GALNT16: variants seen among roughly 807,000 people sequenced by gnomAD.
The protein encoded by GALNT16 is polypeptide N-acetylgalactosaminyltransferase 16, also known as UDP-GalNAc:polypeptide N-acetylgalactosaminyltransferase-like protein 1.
In GALNT16, 40 loss-of-function variants were observed where a neutral mutation model predicts 76.1. The ratio of observed to expected loss-of-function variants is 0.53; its 90% confidence interval spans 0.41 to 0.68. The LOEUF is 0.68. Ranked by LOEUF, GALNT16 falls within the 30% of genes least tolerant of loss-of-function variation. The probability of loss-of-function intolerance (pLI) is 0.00; values close to 1 mark genes in which losing one functional copy is unlikely to be tolerated. For synonymous variants in GALNT16, 276 were observed against 285.2 expected (o/e 0.97, Z 0.32); for missense variants, 621 against 731.9 (o/e 0.85, Z 1.75).
At chr14:69,326,651 A>T (rs1445837079) in intron 5 of GALNT16, among the ~76,000 whole-genome samples, 1 of 152,150 alleles carries the variant, frequency 6.6e-6, no homozygotes, top group African/African-American at 2.4e-5. Context: ...GGAGCAAGGG[A>T]GGGCATGCCA....
At chr14:69,278,543 A>G (rs1260140480) in intron 1 of GALNT16, among the ~76,000 whole-genome samples, 1 of 152,228 alleles carries the variant, frequency 6.6e-6, no homozygotes, top group East Asian at 1.9e-4. Context: ...CTTCTGTATC[A>G]TAATCTTCTT....
chr14:69,331,502 C>T lies in GALNT16; in HGVS notation c.729C>T (p.Ile243=). 3 of 1,610,924 alleles carry T rather than the reference C, an allele frequency of 1.9e-6. No homozygotes were observed. The highest frequency in any genetic ancestry group is 2.5e-6 in the Non-Finnish European group (3 of 1,177,074). ...TGGTGAGTCCCATCATTGATGTCAT[C>T]AGTCTGGATAATTTTGCCTACCTTG... is the stretch of plus-strand genomic sequence containing the variant. ...TRVVSPIIDV[I]SLDNFAYLAA... The change falls in exon 7 of 15, where the codon ATC becomes ATT. Residue 243 remains isoleucine (I), a synonymous_variant. Coordinates refer to ENST00000448469, the MANE Select transcript of GALNT16 (RefSeq NM_001168368.2).
chr14:69,279,621 G>A (rs1233302635), intron 1 of GALNT16, among the ~76,000 whole-genome samples: 2 of 152,262 alleles, frequency 1.3e-5, no homozygotes. Context: ...CTGAGTGGGT[G>A]TGGGAAAGGC....
At chr14:69,284,825 T>C (rs1457145295) in intron 1 of GALNT16, among the ~76,000 whole-genome samples, 1 of 152,050 alleles carries the variant, frequency 6.6e-6, no homozygotes, top group Non-Finnish European at 1.5e-5. Flanking sequence ...CCCATGCTGT[T>C]CTCTTGATAG....
chr14:69,312,127 T>C (rs930551681), intron 1 of GALNT16, among the ~76,000 whole-genome samples: 2 of 151,852 alleles, frequency 1.3e-5, no homozygotes, highest in South Asian at 4.2e-4. Context: ...GTCTAATATA[T>C]ATAGTCCCAG....
At chr14:69,374,067 C>T in the GALNT16 span, among the ~76,000 whole-genome samples, 1 of 152,206 alleles carries the variant, frequency 6.6e-6, no homozygotes, top group Non-Finnish European at 1.5e-5. Flanking sequence ...AGGCGTGAGC[C>T]ACTGTGCCTG....
rs377127790 is a variant in GALNT16, at chr14:69,346,213, T to C, written c.1272-827T>C. Among the ~76,000 whole-genome samples the C allele has an allele frequency of 1.9e-4, 29 of 152,302 alleles. No homozygotes were observed. The East Asian group carries it at 4.8e-3, about 25-fold the overall frequency. ...CCAGCCATAAGTCATTTTTAATGGCTACAGGGTTTTCTATCGTATGGATGA... is the reference window on the plus strand; with the variant it reads ...CCAGCCATAAGTCATTTTTAATGGCCACAGGGTTTTCTATCGTATGGATGA... On this transcript the variant is annotated intron_variant, in intron 12 of 14. Transcript: ENST00000448469.
At chr14:69,274,054 C>T (rs1017818070) in intron 1 of GALNT16, among the ~76,000 whole-genome samples, 10 of 152,192 alleles carry the variant, frequency 6.6e-5, no homozygotes, top group African/African-American at 2.4e-4. Flanking sequence ...TATTCTAGTT[C>T]TGCCACTTAC....
intron 1 of GALNT16, among the ~76,000 whole-genome samples, chr14:69,304,794 G>C (rs2044907741): frequency 6.6e-6 from 1 of 152,136 alleles, no homozygotes; most frequent in Non-Finnish European, 1.5e-5. Context: ...GTTGCAAATG[G>C]CAGGATTTCC....
At chr14:69,345,695 A>AGTC (rs1175216293) in intron 12 of GALNT16, among the ~76,000 whole-genome samples, 2 of 60,796 alleles carry the variant, frequency 3.3e-5, no homozygotes, top group Non-Finnish European at 8.8e-5. Flanking sequence ...TATTACCCAT[A>AGTC]AGGTGTCAGT....
chr14:69,335,392 G>A (rs1375821974), intron 9 of GALNT16, among the ~76,000 whole-genome samples: 1 of 152,186 alleles, frequency 6.6e-6, no homozygotes, highest in African/African-American at 2.4e-5. Context: ...CATGTGTTTT[G>A]GGTCCAAGTG....
Position 69,333,737 on chromosome 14 carries a change from C to A in GALNT16, c.967+137C>A. 1.7e-6 allele frequency: 1 copy of A among 591,552 alleles called. No homozygotes were observed. Among genetic ancestry groups the A allele is most frequent in the Non-Finnish European group, 3.0e-6 (1 of 336,192 alleles). The allele number at this position is 591,552 out of a possible 1,614,324, so 36.6% of individuals were successfully genotyped here. A position where few individuals can be genotyped will look rare whatever the true frequency, so the allele number is the denominator to read the frequency against. ...GAGGTCATTTAATTCTCTCAAGGACCCTCTGAGGTAAGTACCATGATCTCC... is the reference window on the plus strand; with the variant it reads ...GAGGTCATTTAATTCTCTCAAGGACACTCTGAGGTAAGTACCATGATCTCC... On this transcript the variant is annotated intron_variant, in intron 9 of 14. Transcript: ENST00000448469. This position sits in a 1 kb window ranked among gnomAD's most constrained non-coding sequence, Gnocchi z 4.2.
intron 12 of GALNT16, among the ~76,000 whole-genome samples, chr14:69,344,147 G>A (rs2045531252): frequency 6.6e-6 from 1 of 152,222 alleles, no homozygotes; most frequent in Non-Finnish European, 1.5e-5. Context: ...GGAGACCGAG[G>A]AGGCTGAAAG....
intron 11 of GALNT16, 95 bp downstream of exon 11, chr14:69,339,714 G>A (rs917212613): frequency 2.1e-5 from 15 of 713,486 alleles, no homozygotes; most frequent in African/African-American, 1.3e-4. Context: ...GGAACCACCC[G>A]CCACCTCCCC....
intron 5 of GALNT16, 93 bp from the exon 6 acceptor site, chr14:69,328,357 C>T: frequency 7.6e-7 from 1 of 1,323,736 alleles, no homozygotes. Flanking sequence ...AGCCTCAGCC[C>T]CTGAAGGAGA....
rs866572674 is a variant in GALNT16 at position 69,337,437 on chromosome 14, A to G, written c.968-1214A>G. On this transcript the variant is annotated intron_variant, in intron 9 of 14. Transcript: ENST00000448469. ...ATGGCCATTGTTGATAATAATAACAATAGTTAATAATATTATAGACATTAT... is the reference window on the plus strand; with the variant it reads ...ATGGCCATTGTTGATAATAATAACAGTAGTTAATAATATTATAGACATTAT... Among the ~76,000 whole-genome samples, 5 of 152,252 alleles carry G rather than the reference A, an allele frequency of 3.3e-5. No homozygotes were observed. In the South Asian group the frequency reaches 1.0e-3, roughly 32 times the overall value.
the GALNT16 span, among the ~76,000 whole-genome samples, chr14:69,384,644 G>C: frequency 6.6e-6 from 1 of 152,072 alleles, no homozygotes; most frequent in African/African-American, 2.4e-5. Flanking sequence ...GCAGAATATA[G>C]CTCTGTAATA....
At chr14:69,322,925 G>GGTGT (rs766188989) in intron 2 of GALNT16, among the ~76,000 whole-genome samples, 3,341 of 103,720 alleles carry the variant, frequency 0.032, 118 homozygotes, top group Non-Finnish European at 0.046. Flanking sequence ...TGGCTCACGG[G>GGTGT]GTGTGTGTGT....
chr14:69,373,528 T>C, the GALNT16 span, among the ~76,000 whole-genome samples: 25 of 152,264 alleles, frequency 1.6e-4, no homozygotes, highest in Non-Finnish European at 2.8e-4. Flanking sequence ...AGTGTATAAT[T>C]ACAAAAAAGA....
Sources: gnomAD v4.1 joint callset for allele counts (sites outside exome capture counted in the v4.1 genomes callset) on GRCh38, gnomAD v4.1.1 for gene constraint, Gnocchi (gnomAD v3.1) non-coding constraint, MANE v1.5 for transcripts, NCBI Gene and HGNC (gene_info 2026-07-23, HGNC 2026-07-21) for gene names.